The following CCDC6 variants were observed in gnomAD, a reference collection of about 807,000 sequenced individuals.
The protein encoded by CCDC6 is coiled-coil domain-containing protein 6.
Under a neutral mutation model 56.6 loss-of-function variants are expected in CCDC6, and 20 were observed. The observed-to-expected ratio is 0.35, with a 90% CI of 0.25 to 0.51. CCDC6 has a LOEUF of 0.51. CCDC6 is among the 20% of genes least tolerant of loss of function. CCDC6 has a pLI of 0.95. For missense variants in CCDC6, 367 were observed against 601.1 expected, an observed-to-expected ratio of 0.61 and a Z score of 4.07; for synonymous variants, 241 against 234.4, an observed-to-expected ratio of 1.03 and a Z score of -0.26.
At chr10:59,831,143 C>CT (rs760679100) in intron 3 of CCDC6, among the ~76,000 whole-genome samples, 1 of 152,192 alleles carries the variant, frequency 6.6e-6, no homozygotes, top group Non-Finnish European at 1.5e-5. Context: ...TGTTTTTAAA[C>CT]TGGTAGGGCA....
At chr10:59,850,348 C>T (rs12244539) in intron 2 of CCDC6, among the ~76,000 whole-genome samples, 13,260 of 130,222 alleles carry the variant, frequency 0.1, 1,595 homozygotes, top group African/African-American at 0.34. Flanking sequence ...TTTTATGTTA[C>T]GTAAAATTTA....
intron 2 of CCDC6, among the ~76,000 whole-genome samples, chr10:59,838,678 T>C (rs2070907691): frequency 6.6e-6 from 1 of 152,124 alleles, no homozygotes; most frequent in African/African-American, 2.4e-5. Flanking sequence ...GAAAAGAAAA[T>C]CCCATCATGC....
rs1331673445 is a variant in CCDC6 at position 59,877,338 on chromosome 10, C to G, written c.304-24636G>C. Among the ~76,000 whole-genome samples, 3 of 152,212 alleles carry G rather than the reference C, an allele frequency of 2.0e-5. No individual in the cohort carries two copies. The East Asian group carries it at 5.8e-4, about 29-fold the overall frequency. On this transcript the variant is annotated intron_variant, in intron 1 of 8. Transcript: ENST00000263102. Reference sequence around the variant, plus strand: ...GTCTGCGATCATCAATATGACTCAACGTAGTACAGAACATCCTAGCTAATG... The same window carrying G: ...GTCTGCGATCATCAATATGACTCAAGGTAGTACAGAACATCCTAGCTAATG...
chr10:59,903,912 A>C (rs941400843), intron 1 of CCDC6, among the ~76,000 whole-genome samples: 3 of 152,218 alleles, frequency 2.0e-5, no homozygotes, highest in Non-Finnish European at 2.9e-5. Context: ...ACGTACCACC[A>C]CAGAATCTGG....
At chr10:59,862,710 A>G (rs1486019787) in intron 1 of CCDC6, among the ~76,000 whole-genome samples, 2 of 152,036 alleles carry the variant, frequency 1.3e-5, no homozygotes, top group African/African-American at 4.8e-5. Context: ...AGATCACAGT[A>G]TCTGACATCC....
chr10:59,847,817 CTTTT>C (rs757902015), intron 2 of CCDC6, among the ~76,000 whole-genome samples: 6 of 104,856 alleles, frequency 5.7e-5, no homozygotes, highest in East Asian at 2.8e-4. Flanking sequence ...GCCTTTTAGA[CTTTT>C]TTTTTTTTTT....
chr10:59,842,671 A>G (rs116872277), intron 2 of CCDC6, among the ~76,000 whole-genome samples: 5,028 of 151,770 alleles, frequency 0.033, 107 homozygotes, highest in Middle Eastern at 0.054. Context: ...ACTACACTTA[A>G]GTTTGAGCTT....
At chr10:59,818,369 T>C (rs1357553753) in intron 3 of CCDC6, among the ~76,000 whole-genome samples, 1 of 152,004 alleles carries the variant, frequency 6.6e-6, no homozygotes, top group East Asian at 1.9e-4. Flanking sequence ...TTGGGTTTGC[T>C]GTCCCAATTT....
chr10:59,869,575 G>A (rs1334554901), intron 1 of CCDC6, among the ~76,000 whole-genome samples: 1 of 151,842 alleles, frequency 6.6e-6, no homozygotes, highest in Non-Finnish European at 1.5e-5. Context: ...ATGTCTTTCT[G>A]GCCTTCTCAT....
At chr10:59,796,620 G>T (rs1200941653) in intron 7 of CCDC6, among the ~76,000 whole-genome samples, 2 of 152,090 alleles carry the variant, frequency 1.3e-5, no homozygotes, top group African/African-American at 4.8e-5. Flanking sequence ...TTGAAATCAG[G>T]ATCTCAAAGA....
At chr10:59,889,311 G>T (rs1371155260) in intron 1 of CCDC6, among the ~76,000 whole-genome samples, 1 of 152,224 alleles carries the variant, frequency 6.6e-6, no homozygotes, top group African/African-American at 2.4e-5. Flanking sequence ...GCAGGAGGAA[G>T]ATGGATAGGA....
intron 5 of CCDC6, among the ~76,000 whole-genome samples, 181 bp from the exon 6 acceptor site, chr10:59,807,259 C>T (rs577004578): frequency 5.9e-4 from 90 of 152,184 alleles, no homozygotes; most frequent in African/African-American, 2.1e-3. Context: ...CTGAGGAAGG[C>T]GGATCACCTG....
At position 59,790,228 on chromosome 10, in the gene CCDC6, C is replaced by A. The variant is rs1461114854; in HGVS notation, c.*2689G>T. On this transcript the variant is annotated 3_prime_UTR_variant, in exon 9 of 9. Transcript: ENST00000263102. ...ATCCTATTAGCAGCACAGTGGTAGC[C>A]AAGGGTCTCTGTCTGCAAGACAGGA... The A allele has an allele frequency of 4.6e-6, 1 of 217,546 alleles. No homozygotes were observed. The allele number at this position is 217,546 out of a possible 1,614,324, so 13.5% of individuals were successfully genotyped here.
Position 59,792,401 on chromosome 10 carries a change from G to A in CCDC6, c.*516C>T, listed in dbSNP as rs1224751288. 2.4e-6 allele frequency: 1 copy of A among 416,204 alleles called. No homozygotes were observed. The highest frequency in any genetic ancestry group is 4.6e-6 in the Non-Finnish European group (1 of 219,768). 25.8% of individuals were successfully genotyped at this position (416,204 alleles called of 1,614,324 possible). A position where few individuals can be genotyped will look rare whatever the true frequency, so the allele number is the denominator to read the frequency against. ...AAACAGAAAATATGTCTTGGGCACT[G>A]ATTCATCTAACTTTCTGTTCTACAC... On this transcript the variant is annotated 3_prime_UTR_variant, in exon 9 of 9. Transcript: ENST00000263102.
rs571074172 is a variant in CCDC6, at chr10:59,896,375, G to T, written c.303+9747C>A. On this transcript the variant is annotated intron_variant, in intron 1 of 8. Transcript: ENST00000263102. Reference sequence around the variant, plus strand: ...CCCTCATCCAGCATCTCCACATCTGGGTGCTTACTGGCACCAAGCCCAGAG... The same window carrying T: ...CCCTCATCCAGCATCTCCACATCTGTGTGCTTACTGGCACCAAGCCCAGAG... Among the ~76,000 whole-genome samples the T allele has an allele frequency of 7.5e-4, 114 of 152,220 alleles. 1 individual carries two copies. Among genetic ancestry groups the T allele is most frequent in the Non-Finnish European group, 1.5e-3 (102 of 68,020 alleles).
At chr10:59,841,490 T>C (rs1164410547) in intron 2 of CCDC6, among the ~76,000 whole-genome samples, 2 of 152,084 alleles carry the variant, frequency 1.3e-5, no homozygotes, top group Non-Finnish European at 2.9e-5. Flanking sequence ...AGAATTCTAA[T>C]CACTTACCTG....
intron 3 of CCDC6, among the ~76,000 whole-genome samples, chr10:59,829,357 T>C (rs757450057): frequency 6.6e-6 from 1 of 152,246 alleles, no homozygotes; most frequent in African/African-American, 2.4e-5. Flanking sequence ...ATTTTAAAAT[T>C]ACATTTTGTT....
chr10:59,904,816 T>A (rs2071530385), intron 1 of CCDC6, among the ~76,000 whole-genome samples: 1 of 152,132 alleles, frequency 6.6e-6, no homozygotes, highest in Admixed American at 6.5e-5. Context: ...CTACACAAAT[T>A]AAGAATGCCA....
intron 3 of CCDC6, among the ~76,000 whole-genome samples, chr10:59,830,345 T>A (rs2070825131): frequency 6.6e-6 from 1 of 152,174 alleles, no homozygotes; most frequent in South Asian, 2.1e-4. Flanking sequence ...GCTCAAGGGC[T>A]GGTCAGATCA....
Sources: allele counts gnomAD v4.1 joint callset (sites outside exome capture counted in the v4.1 genomes callset), GRCh38; gene constraint gnomAD v4.1.1; transcripts MANE v1.5; gene names NCBI Gene and HGNC (gene_info 2026-07-23, HGNC 2026-07-21).